Variants in FHIT observed in about 807,000 individuals in gnomAD.
The protein encoded by FHIT is fragile histidine triad diadenosine triphosphatase, also known as bis(5'-adenosyl)-triphosphatase.
A neutral mutation model predicts 17.9 loss-of-function variants in FHIT; 19 were observed. That is an observed-to-expected ratio of 1.06 (90% CI 0.74 to 1.56). The LOEUF (loss-of-function observed/expected upper bound fraction) is 1.56. FHIT is among the 40% of genes most tolerant of loss of function. The pLI is 0.00. For missense variants in FHIT, 248 were observed against 189.2 expected (o/e 1.31, Z -1.82); for synonymous variants, 81 against 69.7 (o/e 1.16, Z -0.81).
chr3:59,759,869 C>T (rs1202850239), intron 8 of FHIT, among the ~76,000 whole-genome samples: 3 of 152,146 alleles, frequency 2.0e-5, no homozygotes, highest in Non-Finnish European at 2.9e-5. Flanking sequence ...CAAACCTCTG[C>T]CTGCCACTTG....
At chr3:60,009,282 C>G (rs1249893126) in intron 7 of FHIT, among the ~76,000 whole-genome samples, 2 of 148,336 alleles carry the variant, frequency 1.3e-5, no homozygotes, top group Non-Finnish European at 3.0e-5. Flanking sequence ...AAGATATCCC[C>G]ATTATTTCAT....
At chr3:60,638,509 C>T (rs1011005539) in intron 4 of FHIT, among the ~76,000 whole-genome samples, 1 of 152,122 alleles carries the variant, frequency 6.6e-6, no homozygotes, top group Non-Finnish European at 1.5e-5. Context: ...ATTAGAATCA[C>T]TTGGGGAACT....
intron 2 of FHIT, among the ~76,000 whole-genome samples, chr3:61,176,203 G>C (rs1371659371): frequency 6.6e-6 from 1 of 152,230 alleles, no homozygotes; most frequent in East Asian, 1.9e-4. Context: ...GAGCCATTGA[G>C]GCTCTTGGTG....
chr3:60,405,505 A>G (rs955144752), intron 5 of FHIT, among the ~76,000 whole-genome samples: 4 of 152,176 alleles, frequency 2.6e-5, no homozygotes, highest in African/African-American at 9.7e-5. Flanking sequence ...TTCAATGTTC[A>G]GTGCATCCTC....
chr3:59,814,045 TACACACACACAC>T (rs144355020), intron 8 of FHIT, among the ~76,000 whole-genome samples: 3 of 146,770 alleles, frequency 2.0e-5, no homozygotes, highest in Admixed American at 6.8e-5. Flanking sequence ...AATTTACACA[TACACACACACAC>T]ACACACACAC....
chr3:60,159,074 T>C (rs990274265), intron 5 of FHIT, among the ~76,000 whole-genome samples: 19 of 152,190 alleles, frequency 1.2e-4, no homozygotes, highest in African/African-American at 4.6e-4. Context: ...TAGACTTTTT[T>C]TTCTAATCAT....
chr3:61,017,710 G>C (rs2032191235), intron 3 of FHIT, among the ~76,000 whole-genome samples: 1 of 152,160 alleles, frequency 6.6e-6, no homozygotes, highest in Non-Finnish European at 1.5e-5. Flanking sequence ...ATGATATGCT[G>C]AGATAACATT....
At position 60,968,803 on chromosome 3, in the gene FHIT, A is replaced by AT. The variant is rs148565679; in HGVS notation, c.-111+73243dup. 1.8e-3 allele frequency among the ~76,000 whole-genome samples: 270 copies of AT among 152,160 alleles called. 1 individual carries two copies. Among genetic ancestry groups the AT allele is most frequent in the African/African-American group, 6.2e-3 (259 of 41,508 alleles). ...TTACCATGAATGAATGTGTTTGTCA[A>AT]TTTTTTCCCCTTATCTATTGAGATG... is the stretch of plus-strand genomic sequence containing the variant. On this transcript the variant is annotated intron_variant, in intron 3 of 9. Coordinates refer to ENST00000492590, the MANE Select transcript of FHIT (RefSeq NM_002012.4).
chr3:60,955,324 G>C (rs1553778360), intron 3 of FHIT, among the ~76,000 whole-genome samples: 1 of 152,102 alleles, frequency 6.6e-6, no homozygotes, highest in Non-Finnish European at 1.5e-5. Context: ...ACATACAGCA[G>C]TGCTTTCCAA....
At chr3:59,857,380 T>A (rs1000494887) in intron 8 of FHIT, among the ~76,000 whole-genome samples, 1 of 152,078 alleles carries the variant, frequency 6.6e-6, no homozygotes, top group African/African-American at 2.4e-5. Flanking sequence ...TTTTAAACAT[T>A]CTGGCCACTT....
chr3:59,803,335 G>C (rs1047417725), intron 8 of FHIT, among the ~76,000 whole-genome samples: 11 of 152,164 alleles, frequency 7.2e-5, no homozygotes, highest in African/African-American at 1.9e-4. Flanking sequence ...AGGCGAGCAC[G>C]GGGCCAGCGA....
At chr3:60,811,258 A>G (rs1553735962) in intron 4 of FHIT, among the ~76,000 whole-genome samples, 1 of 152,204 alleles carries the variant, frequency 6.6e-6, no homozygotes, top group Non-Finnish European at 1.5e-5. Flanking sequence ...GAAAAACAGT[A>G]AGCTAACATT....
chr3:60,996,084 G>A (rs2030653604), intron 3 of FHIT, among the ~76,000 whole-genome samples: 1 of 151,930 alleles, frequency 6.6e-6, no homozygotes, highest in Non-Finnish European at 1.5e-5. Context: ...GATAATTGTG[G>A]GCTTAGGAAT....
intron 2 of FHIT, among the ~76,000 whole-genome samples, chr3:61,125,276 A>AATC (rs2036575839): frequency 6.6e-6 from 1 of 152,214 alleles, no homozygotes; most frequent in Non-Finnish European, 1.5e-5. Flanking sequence ...TTACCTATTG[A>AATC]ATCAAAATAT....
intron 7 of FHIT, among the ~76,000 whole-genome samples, chr3:60,009,185 G>C (rs1700042522): frequency 7.8e-6 from 1 of 127,690 alleles, no homozygotes; most frequent in South Asian, 2.3e-4. Context: ...GTGTGTGTGT[G>C]TGTGTGTGTG....
intron 4 of FHIT, among the ~76,000 whole-genome samples, chr3:60,803,139 C>G (rs1175857842): frequency 2.6e-5 from 4 of 152,148 alleles, no homozygotes; most frequent in African/African-American, 9.7e-5. Flanking sequence ...CCGGTTAGTA[C>G]TTACTGGGCA....
rs1476766236 is a variant in FHIT at position 59,748,315 on chromosome 3, A to T, written c.*1270T>A. ...ATCATGACAAAATGGGAATGAATGCAATTTGGGGAACACTGTATTCGCCCA... is the reference window on the plus strand; with the variant it reads ...ATCATGACAAAATGGGAATGAATGCTATTTGGGGAACACTGTATTCGCCCA... On this transcript the variant is annotated 3_prime_UTR_variant, in exon 10 of 10. Coordinates refer to ENST00000492590, the MANE Select transcript of FHIT (RefSeq NM_002012.4). 6.6e-6 allele frequency among the ~76,000 whole-genome samples: 1 copy of T among 152,148 alleles called. No individual in the cohort carries two copies. Among genetic ancestry groups the T allele is most frequent in the African/African-American group, 2.4e-5 (1 of 41,444 alleles).
chr3:60,458,126 A>G (rs999974838), intron 5 of FHIT, among the ~76,000 whole-genome samples: 9 of 152,158 alleles, frequency 5.9e-5, no homozygotes, highest in Admixed American at 2.0e-4. Context: ...ATAAAGACAC[A>G]TGCACACGTA....
chr3:61,114,741 G>A (rs1226572826), intron 2 of FHIT, among the ~76,000 whole-genome samples: 1 of 152,094 alleles, frequency 6.6e-6, no homozygotes, highest in Non-Finnish European at 1.5e-5. Context: ...CCATCCCCGA[G>A]CAGTCCCTCC....
Sources: allele counts gnomAD v4.1 joint callset (sites outside exome capture counted in the v4.1 genomes callset), GRCh38; gene constraint gnomAD v4.1.1; transcripts MANE v1.5; gene names NCBI Gene and HGNC (gene_info 2026-07-23, HGNC 2026-07-21).